The following GFOD1 variants were observed in gnomAD, a reference collection of about 807,000 sequenced individuals.
The protein encoded by GFOD1 is Gfo/Idh/MocA-like oxidoreductase domain containing 1, also known as glucose-fructose oxidoreductase domain-containing protein 1.
In GFOD1, 9 loss-of-function variants were observed where a neutral mutation model predicts 25.4. The ratio of observed to expected loss-of-function variants is 0.35; its 90% CI spans 0.21 to 0.62. The LOEUF (loss-of-function observed/expected upper bound fraction) is 0.62, where lower values mean the gene tolerates loss of function less well. Among genes scored for constraint, GFOD1 ranks in the 20% least tolerant of loss-of-function variants. The pLI, the probability that GFOD1 is intolerant of heterozygous loss-of-function variation, is 0.72. For missense variants in GFOD1, 403 were observed against 556.9 expected, an observed-to-expected ratio of 0.72 and a Z score of 2.78; for synonymous variants, 253 against 245.6, an observed-to-expected ratio of 1.03 and a Z score of -0.28.
chr6:13,470,597 T>C (rs1459041882), intron 1 of GFOD1: 86 of 1,498,112 alleles, frequency 5.7e-5, no homozygotes, highest in Middle Eastern at 3.5e-4. Context: ...AGTATTTTTC[T>C]GTCTGCTGAT....
intron 1 of GFOD1, among the ~76,000 whole-genome samples, chr6:13,435,445 T>C (rs1167070949): frequency 6.6e-6 from 1 of 152,234 alleles, no homozygotes; most frequent in Non-Finnish European, 1.5e-5. Context: ...ATCTCTCTTA[T>C]TATAATTGTA....
At chr6:13,419,559 C>T (rs1395033674) in intron 1 of GFOD1, among the ~76,000 whole-genome samples, 1 of 152,148 alleles carries the variant, frequency 6.6e-6, no homozygotes, top group Non-Finnish European at 1.5e-5. Context: ...CTGTGACTCC[C>T]CTGCTACCCG....
Position 13,365,362 on chromosome 6 carries a change from G to A in GFOD1, c.554C>T (p.Thr185Ile), listed in dbSNP as rs199694596. 21 of 1,614,160 alleles carry A rather than the reference G, an allele frequency of 1.3e-5. No individual in the cohort carries two copies. The East Asian group carries it at 3.1e-4, about 24-fold the overall frequency. Residue 185 changes from threonine to isoleucine, a missense_variant, in exon 2 of 2, where the codon ACC becomes ATC. Coordinates refer to ENST00000379287, the MANE Select transcript of GFOD1 (RefSeq NM_018988.4). This position sits in a 1 kb window ranked among gnomAD's most constrained non-coding sequence, Gnocchi z 9.2. ...SVGTYIIDLLTFLTGQKAVKV... is the reference protein window; with the variant it reads ...SVGTYIIDLLIFLTGQKAVKV... ...GACGGCCTTTTGGCCGGTGAGGAAG[G>A]TGAGCAGGTCGATGATGTAGGTGCC...
chr6:13,478,408 G>A (rs1469293726), intron 1 of GFOD1, among the ~76,000 whole-genome samples: 1 of 152,156 alleles, frequency 6.6e-6, no homozygotes, highest in African/African-American at 2.4e-5. Context: ...CAAAGTGCTG[G>A]GATTACAGGC....
At chr6:13,382,350 G>C (rs965147916) in intron 1 of GFOD1, among the ~76,000 whole-genome samples, 64 of 150,090 alleles carry the variant, frequency 4.3e-4, no homozygotes, top group African/African-American at 1.4e-3. Context: ...TGAATCATGG[G>C]GGGGGGGGTT....
rs9395818 is a variant in GFOD1, at chr6:13,485,555, C to T, written c.253+1083G>A. On this transcript the variant is annotated intron_variant, in intron 1 of 1. Transcript: ENST00000379287. ...TTCTTGGAATTGTAAGATCAAGCAACCTTCCTGGGATTGTTTTAGGTTACG... is the reference window on the plus strand; with the variant it reads ...TTCTTGGAATTGTAAGATCAAGCAATCTTCCTGGGATTGTTTTAGGTTACG... 3.3e-5 allele frequency among the ~76,000 whole-genome samples: 5 copies of T among 152,326 alleles called. No individual in the cohort carries two copies. The East Asian group carries it at 9.6e-4, about 29-fold the overall frequency.
Position 13,364,702 on chromosome 6 carries a change from C to G in GFOD1, c.*41G>C. 6.5e-7 allele frequency: 1 copy of G among 1,530,288 alleles called. No individual in the cohort carries two copies. The highest frequency in any genetic ancestry group is 1.2e-5 in the South Asian group (1 of 85,258). 94.8% of individuals were successfully genotyped at this position (1,530,288 alleles called of 1,614,324 possible). On this transcript the variant is annotated 3_prime_UTR_variant, in exon 2 of 2. Transcript: ENST00000379287. This position sits in a 1 kb window ranked among gnomAD's most constrained non-coding sequence, Gnocchi z 4.1. ...TCGGCCCTTCCCTCTCTGTGGACATCCCCTGCAGAAGGCTCAAGTCCCCGA... is the reference window on the plus strand; with the variant it reads ...TCGGCCCTTCCCTCTCTGTGGACATGCCCTGCAGAAGGCTCAAGTCCCCGA...
chr6:13,400,893 C>T (rs1370173568), intron 1 of GFOD1, among the ~76,000 whole-genome samples: 1 of 152,180 alleles, frequency 6.6e-6, no homozygotes, highest in East Asian at 1.9e-4. Flanking sequence ...GAGTCCTCTC[C>T]ACCATTCTTT....
intron 1 of GFOD1, among the ~76,000 whole-genome samples, chr6:13,380,961 CT>C (rs1785351471): frequency 6.6e-6 from 1 of 152,198 alleles, no homozygotes; most frequent in Non-Finnish European, 1.5e-5. Context: ...CAGCAGATTT[CT>C]TCCCTCCTAC....
chr6:13,386,051 G>T (rs1051465139), intron 1 of GFOD1, among the ~76,000 whole-genome samples: 1 of 135,674 alleles, frequency 7.4e-6, no homozygotes, highest in Non-Finnish European at 1.5e-5. Context: ...CAGGGAGTTT[G>T]GGTAATTCCT....
rs1584602074 is a variant in GFOD1 at position 13,362,802 on chromosome 6, C to T, written c.*1941G>A. On this transcript the variant is annotated 3_prime_UTR_variant, in exon 2 of 2. Transcript: ENST00000379287. ...CACCACACTTGCACCTATGAGTAGCCTGGGCTTCAAAGAATATTGACCCTA... is the reference window on the plus strand; with the variant it reads ...CACCACACTTGCACCTATGAGTAGCTTGGGCTTCAAAGAATATTGACCCTA... The T allele has an allele frequency of 1.3e-5, 2 of 152,222 alleles. No homozygotes were observed. The highest frequency in any genetic ancestry group is 3.9e-4 in the East Asian group (2 of 5,194). 9.4% of individuals were successfully genotyped at this position (152,222 alleles called of 1,614,324 possible). A position where few individuals can be genotyped will look rare whatever the true frequency, so the allele number is the denominator to read the frequency against.
At position 13,361,630 on chromosome 6, in the gene GFOD1, C is replaced by T. The variant is rs577904147; in HGVS notation, c.*3113G>A. ...TTCATATAGCTACCCCAAATCAAGT[C>T]TTTGCATGTGGTGGGATAAGGGCAA... On this transcript the variant is annotated 3_prime_UTR_variant, in exon 2 of 2. Transcript: ENST00000379287. 2.6e-5 allele frequency: 4 copies of T among 152,196 alleles called. No individual in the cohort carries two copies. Among genetic ancestry groups the T allele is most frequent in the Admixed American group, 2.6e-4 (4 of 15,272 alleles). The allele number at this position is 152,196 out of a possible 1,614,324, so 9.4% of individuals were successfully genotyped here.
chr6:13,444,581 G>A lies in GFOD1; in HGVS notation c.253+42057C>T, dbSNP rs138052273. Among the ~76,000 whole-genome samples the A allele has an allele frequency of 5.9e-4, 89 of 151,816 alleles. 1 individual carries two copies. The East Asian group carries it at 0.016, about 28-fold the overall frequency. On this transcript the variant is annotated intron_variant, in intron 1 of 1. Transcript: ENST00000379287. ...TATCCTAATGAAAATATATGTTCAC[G>A]TGCTTTATATTTATGTTCAATATTT...
intron 1 of GFOD1, among the ~76,000 whole-genome samples, chr6:13,433,101 C>A (rs1405856781): frequency 2.0e-5 from 3 of 149,652 alleles, no homozygotes; most frequent in Admixed American, 6.7e-5. Flanking sequence ...GCATGACTGA[C>A]ATTTTGTGCT....
At chr6:13,418,788 C>A (rs1345032) in intron 1 of GFOD1, among the ~76,000 whole-genome samples, 86,498 of 151,652 alleles carry the variant, frequency 0.57, 28,507 homozygotes, top group Non-Finnish European at 0.72. Context: ...TTGCCACACA[C>A]CTGGCCAACG....
intron 1 of GFOD1, chr6:13,469,653 T>A (rs1345556214): frequency 8.6e-7 from 1 of 1,162,536 alleles, no homozygotes; most frequent in Non-Finnish European, 1.1e-6. Flanking sequence ...TCTAAGACAC[T>A]ACTGCAAAGA....
chr6:13,409,510 A>G (rs1347507098), intron 1 of GFOD1, among the ~76,000 whole-genome samples: 1 of 152,246 alleles, frequency 6.6e-6, no homozygotes, highest in African/African-American at 2.4e-5. Context: ...TTACGTCTTT[A>G]TGCACAGAGA....
intron 1 of GFOD1, among the ~76,000 whole-genome samples, chr6:13,447,666 G>T (rs886183417): frequency 1.4e-5 from 2 of 145,560 alleles, no homozygotes; most frequent in African/African-American, 5.0e-5. Flanking sequence ...ACTTGCACCC[G>T]GGAGGTAGAG....
chr6:13,441,588 T>C (rs961733233), intron 1 of GFOD1, among the ~76,000 whole-genome samples: 4 of 152,220 alleles, frequency 2.6e-5, no homozygotes, highest in South Asian at 2.1e-4. Flanking sequence ...CCTTCATCAA[T>C]ACGTTCTTGG....
Sources: gnomAD v4.1 joint callset for allele counts (sites outside exome capture counted in the v4.1 genomes callset) on GRCh38, gnomAD v4.1.1 for gene constraint, Gnocchi (gnomAD v3.1) non-coding constraint, MANE v1.5 for transcripts, NCBI Gene and HGNC (gene_info 2026-07-23, HGNC 2026-07-21) for gene names.